The following CDC42EP3 variants were observed in gnomAD, a reference collection of about 807,000 sequenced individuals.
The protein encoded by CDC42EP3 is CDC42 effector protein (Rho GTPase binding) 3.
CDC42EP3 carries 4 observed loss-of-function variants against 15.5 expected under a neutral mutation model. The observed-to-expected ratio is 0.26, with a 90% confidence interval of 0.13 to 0.59. The LOEUF (loss-of-function observed/expected upper bound fraction) is 0.59. Ranked by LOEUF, CDC42EP3 falls within the 20% of genes least tolerant of loss-of-function variation. CDC42EP3 has a pLI of 0.89. For synonymous variants in CDC42EP3, 145 were observed against 130.3 expected (o/e 1.11, Z -0.77); for missense variants, 309 against 311.2 (o/e 0.99, Z 0.05).
At chr2:37,665,751 G>A (rs879549665) in intron 1 of CDC42EP3, among the ~76,000 whole-genome samples, 3 of 151,246 alleles carry the variant, frequency 2.0e-5, no homozygotes, top group Non-Finnish European at 4.4e-5. Context: ...TGCCTTCCAC[G>A]CTTGCTCAGG....
At chr2:37,656,990 ACCCCCCGCC>A (rs1283510439) in intron 1 of CDC42EP3, among the ~76,000 whole-genome samples, 625 of 42,342 alleles carry the variant, frequency 0.015, 27 homozygotes, top group African/African-American at 0.049. Flanking sequence ...CCCCCCCCCC[ACCCCCCGCC>A]CCCCGCCATC....
intron 1 of CDC42EP3, among the ~76,000 whole-genome samples, chr2:37,669,440 C>G (rs1004384192): frequency 6.6e-6 from 1 of 152,172 alleles, no homozygotes; most frequent in Non-Finnish European, 1.5e-5. Context: ...ATCACTGTTA[C>G]GGCTTTGTAT....
rs758441695 is a variant in CDC42EP3, at chr2:37,643,488, G to A, written c.*2335C>T. On this transcript the variant is annotated 3_prime_UTR_variant, in exon 2 of 2. Transcript: ENST00000295324. ...CCAGAAACTAAAATGGCTAACTGTA[G>A]GCAGGATGTGTGATTAATATTTAGA... is the stretch of plus-strand genomic sequence containing the variant. 1 of 152,208 alleles carries A rather than the reference G, an allele frequency of 6.6e-6. No homozygotes were observed. The highest frequency in any genetic ancestry group is 1.5e-5 in the Non-Finnish European group (1 of 68,036). 9.4% of individuals were successfully genotyped at this position (152,208 alleles called of 1,614,324 possible). A position where few individuals can be genotyped will look rare whatever the true frequency, so the allele number is the denominator to read the frequency against.
intron 1 of CDC42EP3, among the ~76,000 whole-genome samples, chr2:37,648,744 G>A (rs1418789646): frequency 6.6e-6 from 1 of 152,248 alleles, no homozygotes; most frequent in Non-Finnish European, 1.5e-5. Context: ...AACAAAAGTT[G>A]AAGCCCATGT....
chr2:37,672,661 G>A (rs1666471585), upstream of CDC42EP3: 1 of 152,280 alleles, frequency 6.6e-6, no homozygotes, highest in African/African-American at 2.4e-5. Context: ...GGAAGGAGTA[G>A]GCGACAGGAA....
In CDC42EP3 at chr2:37,644,939, G is replaced by A. The variant is rs1035497863; in HGVS notation, c.*884C>T. The stretch of plus-strand genomic sequence containing the variant: ...ATTTCCAAATAACATATGTGGTGTA[G>A]CCCACAGTCTCTGCAGAAGCATCAT... On this transcript the variant is annotated 3_prime_UTR_variant, in exon 2 of 2. Transcript: ENST00000295324. The A allele has an allele frequency of 2.6e-5, 4 of 152,072 alleles. No homozygotes were observed. In the East Asian group the frequency reaches 7.7e-4, roughly 29 times the overall value. 9.4% of individuals were successfully genotyped at this position (152,072 alleles called of 1,614,324 possible). A position where few individuals can be genotyped will look rare whatever the true frequency, so the allele number is the denominator to read the frequency against.
intron 1 of CDC42EP3, among the ~76,000 whole-genome samples, chr2:37,664,881 G>A (rs1378001437): frequency 6.6e-6 from 1 of 152,090 alleles, no homozygotes; most frequent in African/African-American, 2.4e-5. Context: ...GACACAAAGA[G>A]GGAAACAACA....
At position 37,645,836 on chromosome 2, in the gene CDC42EP3, T is replaced by C; in HGVS notation, c.752A>G (p.Asp251Gly). 1 of 1,525,314 alleles carries C rather than the reference T, an allele frequency of 6.6e-7. No homozygotes were observed. The highest frequency in any genetic ancestry group is 8.8e-7 in the Non-Finnish European group (1 of 1,139,592). 94.5% of individuals were successfully genotyped at this position (1,525,314 alleles called of 1,614,324 possible). Reference sequence around the variant, plus strand: ...GTTGGCATCTTGTTACTTATTTTTATCCATTACATTCAGCACCTCATCCAA... The same window carrying C: ...GTTGGCATCTTGTTACTTATTTTTACCCATTACATTCAGCACCTCATCCAA... Reference protein sequence around the residue: ...SLLDEVLNVMDKNK With the variant: ...SLLDEVLNVMGKNK The change falls in exon 2 of 2, where the codon GAT becomes GGT. Residue 251 changes from aspartate to glycine, a missense_variant. Physicochemically the swap from Asp to Gly is moderately conservative, Grantham distance 94 (BLOSUM62 -1). Coordinates refer to ENST00000295324, the MANE Select transcript of CDC42EP3 (RefSeq NM_006449.5).
rs756248339 is a variant in CDC42EP3, at chr2:37,645,997, G to T, written c.591C>A (p.Pro197=). ...CAAACATGTCCTCGGCTGGCCAGTC[G>T]GGGTACTGTTCGGACAGGCTGGAGG... ...SHSSSLSEQY[P]DWPAEDMFDH... The change falls in exon 2 of 2, where the codon CCC becomes CCA. Residue 197 remains proline (P), a synonymous_variant. Coordinates refer to ENST00000295324, the MANE Select transcript of CDC42EP3 (RefSeq NM_006449.5). The T allele has an allele frequency of 6.2e-7, 1 of 1,613,914 alleles. No homozygotes were observed. Among genetic ancestry groups the T allele is most frequent in the South Asian group, 1.1e-5 (1 of 91,048 alleles).
chr2:37,654,840 A>G (rs1253959391), intron 1 of CDC42EP3, among the ~76,000 whole-genome samples: 3 of 152,186 alleles, frequency 2.0e-5, no homozygotes, highest in African/African-American at 7.2e-5. Context: ...TATTACTACA[A>G]TGTGGACGCT....
chr2:37,672,335 C>A (rs1180554364), upstream of CDC42EP3: 4 of 152,388 alleles, frequency 2.6e-5, no homozygotes, highest in South Asian at 2.1e-4. Flanking sequence ...GAACAGCAGA[C>A]GCTACAGGTT....
At chr2:37,653,337 T>G (rs1405366170) in intron 1 of CDC42EP3, among the ~76,000 whole-genome samples, 1 of 152,126 alleles carries the variant, frequency 6.6e-6, no homozygotes, top group Admixed American at 6.6e-5. Context: ...ACGGCCCTGG[T>G]TTTTATAAGG....
At chr2:37,655,683 C>T (rs575415406) in intron 1 of CDC42EP3, among the ~76,000 whole-genome samples, 1 of 152,302 alleles carries the variant, frequency 6.6e-6, no homozygotes, top group African/African-American at 2.4e-5. Context: ...ATGTGAATCT[C>T]TGATAAGGCC....
intron 1 of CDC42EP3, among the ~76,000 whole-genome samples, chr2:37,669,202 C>T (rs541519190): frequency 9.7e-6 from 1 of 103,498 alleles, no homozygotes; most frequent in African/African-American, 3.6e-5. Flanking sequence ...AGTTAATGGT[C>T]AAAGAATTTG....
At chr2:37,651,596 C>A (rs1004036198) in intron 1 of CDC42EP3, among the ~76,000 whole-genome samples, 3 of 152,186 alleles carry the variant, frequency 2.0e-5, no homozygotes, top group African/African-American at 7.2e-5. Context: ...AGGCCTTCAC[C>A]AAAGAGGCAG....
chr2:37,660,592 T>C (rs79941899), intron 1 of CDC42EP3, among the ~76,000 whole-genome samples: 7,251 of 152,238 alleles, frequency 0.048, 559 homozygotes, highest in African/African-American at 0.16. Context: ...AAATTCTCTG[T>C]TGACCCACTT....
Position 37,647,848 on chromosome 2 carries a change from G to GGAAAT in CDC42EP3, c.-235-1031_-235-1027dup, listed in dbSNP as rs1665526442. 2.0e-5 allele frequency among the ~76,000 whole-genome samples: 3 copies of GGAAAT among 152,312 alleles called. No individual in the cohort carries two copies. In the South Asian group the frequency reaches 6.2e-4, roughly 32 times the overall value. On this transcript the variant is annotated intron_variant, in intron 1 of 1. Transcript: ENST00000295324. ...GCAGTTACACTGTGCAAGGGCCTATGGAAATGAAATCTGCCAACAATGTTG... is the reference window on the plus strand; with the variant it reads ...GCAGTTACACTGTGCAAGGGCCTATGGAAATGAAATGAAATCTGCCAACAATGTTG...
intron 1 of CDC42EP3, among the ~76,000 whole-genome samples, chr2:37,657,048 G>A (rs1341609407): frequency 8.0e-6 from 1 of 125,784 alleles, no homozygotes; most frequent in East Asian, 2.3e-4. Flanking sequence ...TTAGAAAATC[G>A]TGTTAAGTGC....
At chr2:37,656,895 G>A (rs774199919) in intron 1 of CDC42EP3, among the ~76,000 whole-genome samples, 1 of 149,622 alleles carries the variant, frequency 6.7e-6, no homozygotes, top group Non-Finnish European at 1.5e-5. Context: ...GGACTTTTCA[G>A]TATTTTTGCT....
Sources: gnomAD v4.1 joint callset for allele counts (sites outside exome capture counted in the v4.1 genomes callset) on GRCh38, gnomAD v4.1.1 for gene constraint, MANE v1.5 for transcripts, NCBI Gene and HGNC (gene_info 2026-07-23, HGNC 2026-07-21) for gene names.